WDHD1: variants seen among roughly 807,000 people sequenced by gnomAD.
WDHD1 encodes the protein WD repeat and HMG-box DNA binding protein 1, also known as WD repeat and HMG-box DNA-binding protein 1.
In WDHD1, 111 loss-of-function variants were observed where a neutral mutation model predicts 135.4. That is an observed-to-expected ratio of 0.82 (90% CI 0.70 to 0.96). The LOEUF is 0.96. Ranked by LOEUF, WDHD1 falls within the 40% of genes least tolerant of loss-of-function variation. WDHD1 has a pLI of 0.00. For missense variants in WDHD1, 1,351 were observed against 1,336.3 expected, an observed-to-expected ratio of 1.01 and a Z score of -0.17; for synonymous variants, 434 against 439.0, an observed-to-expected ratio of 0.99 and a Z score of 0.14.
chr14:54,967,295 C>G lies in WDHD1; in HGVS notation c.2163G>C (p.Glu721Asp), dbSNP rs1266609387. 1.2e-6 allele frequency: 2 copies of G among 1,611,358 alleles called. No homozygotes were observed. The highest frequency in any genetic ancestry group is 1.7e-5 in the Admixed American group (1 of 59,834). The change falls in exon 17 of 26, where the codon GAG becomes GAC. Residue 721 changes from glutamate (E) to aspartate (D), a missense_variant. This residue lies in a region of WDHD1 where 1,330 missense variants were observed against 1,296.1 expected (regional missense o/e 1.03). Transcript: ENST00000360586. The part of the protein sequence containing the change: ...FKLPYCQIAT[E>D]KGQMEEQFWR... ...TTCCACATACCTCCATTTGTCCTTTCTCTGTTGCAATCTGACAGTAAGGAA... is the reference window on the plus strand; with the variant it reads ...TTCCACATACCTCCATTTGTCCTTTGTCTGTTGCAATCTGACAGTAAGGAA...
Position 54,957,082 on chromosome 14 carries a change from T to C in WDHD1, c.2868A>G (p.Glu956=). The C allele has an allele frequency of 6.2e-7, 1 of 1,614,172 alleles. No individual in the cohort carries two copies. Among genetic ancestry groups the C allele is most frequent in the Non-Finnish European group, 8.5e-7 (1 of 1,180,022 alleles). The change falls in exon 23 of 26, where the codon GAA becomes GAG. Residue 956 remains glutamate, a synonymous_variant. Coordinates refer to ENST00000360586, the MANE Select transcript of WDHD1 (RefSeq NM_007086.4). ...TCAGAGGCTTTATAATGGGAGACTT[T>C]TCATTATTTGTAGTTCGACTAAGTG... ...STALSRTTNN[E]KSPIIKPLIP... is the part of the protein sequence containing the mutation.
chr14:54,967,402 TA>T lies in WDHD1; in HGVS notation c.2064-9del. On this transcript the variant is annotated splice_polypyrimidine_tract_variant and intron_variant, in intron 16 of 25. Transcript: ENST00000360586. ...CCTTTACAAGGAATGCACCTGTTAGTAAAGAAAAGTTCCATCATAAAAATTT... is the reference window on the plus strand; with the variant it reads ...CCTTTACAAGGAATGCACCTGTTAGTAAGAAAAGTTCCATCATAAAAATTT... 6.3e-7 allele frequency: 1 copy of T among 1,578,790 alleles called. No homozygotes were observed. The highest frequency in any genetic ancestry group is 1.4e-5 in the African/African-American group (1 of 73,010).
intron 18 of WDHD1, among the ~76,000 whole-genome samples, chr14:54,965,383 G>A (rs2041324458): frequency 6.6e-6 from 1 of 152,208 alleles, no homozygotes; most frequent in South Asian, 2.1e-4. Flanking sequence ...CTGGCCACTG[G>A]TCACAAATAA....
Position 54,940,319 on chromosome 14 carries a change from G to A in WDHD1, c.*1171C>T, listed in dbSNP as rs1482713021. The A allele has an allele frequency of 6.6e-6, 1 of 152,094 alleles. No individual in the cohort carries two copies. Among genetic ancestry groups the A allele is most frequent in the East Asian group, 1.9e-4 (1 of 5,204 alleles). The allele number at this position is 152,094 out of a possible 1,614,324, so 9.4% of individuals were successfully genotyped here. ...TGGAATCTGTGCTCATAACCACTGT[G>A]CTATAATGTCTCTGATAGCAGCTAC... is the stretch of plus-strand genomic sequence containing the variant. On this transcript the variant is annotated 3_prime_UTR_variant, in exon 26 of 26. Transcript: ENST00000360586.
chr14:55,003,161 C>T (rs1326552114), intron 7 of WDHD1, among the ~76,000 whole-genome samples: 8 of 151,782 alleles, frequency 5.3e-5, no homozygotes, highest in African/African-American at 1.7e-4. Context: ...AAAAAAAATA[C>T]ATACTACATT....
In WDHD1 at chr14:54,940,357, A is replaced by T. The variant is rs1335156757; in HGVS notation, c.*1133T>A. 3 of 152,204 alleles carry T rather than the reference A, an allele frequency of 2.0e-5. No homozygotes were observed. Among genetic ancestry groups the T allele is most frequent in the African/African-American group, 4.8e-5 (2 of 41,448 alleles). The allele number at this position is 152,204 out of a possible 1,614,324, so 9.4% of individuals were successfully genotyped here. Reference sequence around the variant, plus strand: ...TGATAGCAGCTACTAATTAAAAAATAAAAAATGTATGTTTTCCTAACTTTA... The same window carrying T: ...TGATAGCAGCTACTAATTAAAAAATTAAAAATGTATGTTTTCCTAACTTTA... On this transcript the variant is annotated 3_prime_UTR_variant, in exon 26 of 26. Coordinates refer to ENST00000360586, the MANE Select transcript of WDHD1 (RefSeq NM_007086.4).
chr14:54,957,707 CAG>C (rs999169396), intron 21 of WDHD1, 72 bp from the exon 22 acceptor site: 1 of 1,229,786 alleles, frequency 8.1e-7, no homozygotes, highest in Non-Finnish European at 1.1e-6. Context: ...TAATACTAGA[CAG>C]AGTATTTTAA....
At chr14:54,963,863 G>A (rs1053133127) in intron 18 of WDHD1, among the ~76,000 whole-genome samples, 2 of 150,898 alleles carry the variant, frequency 1.3e-5, no homozygotes, top group Admixed American at 1.3e-4. Flanking sequence ...TGTAATCCTA[G>A]CACTTTGGAA....
At chr14:54,962,706 T>C (rs1206380956) in intron 20 of WDHD1, 32 bp downstream of exon 20, 2 of 1,609,230 alleles carry the variant, frequency 1.2e-6, no homozygotes, top group African/African-American at 2.7e-5. Context: ...ATGATAGTTC[T>C]CATGATTTAT....
intron 16 of WDHD1, among the ~76,000 whole-genome samples, chr14:54,980,374 G>A (rs1373182875): frequency 6.6e-6 from 1 of 151,160 alleles, no homozygotes; most frequent in African/African-American, 2.4e-5. Context: ...TCACAGAATT[G>A]TGCATCTATC....
Position 55,026,701 on chromosome 14 carries a change from A to C in WDHD1, c.77+10T>G, listed in dbSNP as rs1261647378. 6.2e-7 allele frequency: 1 copy of C among 1,614,000 alleles called. No homozygotes were observed. The highest frequency in any genetic ancestry group is 1.3e-5 in the African/African-American group (1 of 74,940). ...TTGCACCTAAAACGTTGTTTCTCAA[A>C]GAACCTTACCTCCCAGAATCATCAA... is the stretch of plus-strand genomic sequence containing the variant. On this transcript the variant is annotated intron_variant, in intron 2 of 25. Transcript: ENST00000360586.
At chr14:54,970,762 ACCAAAAAAGAG>A (rs1398310008) in intron 16 of WDHD1, among the ~76,000 whole-genome samples, 1 of 152,200 alleles carries the variant, frequency 6.6e-6, no homozygotes, top group Non-Finnish European at 1.5e-5. Context: ...TTCATATGGA[ACCAAAAAAGAG>A]CCCAAATAGC....
At chr14:55,015,666 G>A (rs1254801504) in intron 2 of WDHD1, among the ~76,000 whole-genome samples, 1 of 151,872 alleles carries the variant, frequency 6.6e-6, no homozygotes, top group Non-Finnish European at 1.5e-5. Flanking sequence ...CAATGGTGAT[G>A]AGAGAAGTAT....
At chr14:54,941,794 A>G in intron 25 of WDHD1, 104 bp from the exon 26 acceptor site, 1 of 985,612 alleles carries the variant, frequency 1.0e-6, no homozygotes, top group Non-Finnish European at 1.5e-6. Flanking sequence ...TATATAAAGC[A>G]GAATAATTAG....
At chr14:55,001,091 G>A (rs2041973698) in intron 8 of WDHD1, 99 bp from the exon 9 acceptor site, 5 of 750,608 alleles carry the variant, frequency 6.7e-6, no homozygotes, top group Non-Finnish European at 9.7e-6. Flanking sequence ...TTTTTTTCAA[G>A]AATTTGGAGG....
intron 10 of WDHD1, among the ~76,000 whole-genome samples, chr14:54,998,791 CCTT>C (rs1403558313): frequency 6.6e-6 from 1 of 152,152 alleles, no homozygotes; most frequent in African/African-American, 2.4e-5. Context: ...GATATATCCT[CCTT>C]GTGGTTCAAT....
rs561108848 is a variant in WDHD1 at position 54,958,820 on chromosome 14, A to G, written c.2702-1185T>C. On this transcript the variant is annotated intron_variant, in intron 21 of 25. Transcript: ENST00000360586. ...AAGCTCATTTTTCTTTTTGCTTTACATTCTCCCCCAATGCTTGCTTACCCA... is the reference window on the plus strand; with the variant it reads ...AAGCTCATTTTTCTTTTTGCTTTACGTTCTCCCCCAATGCTTGCTTACCCA... Among the ~76,000 whole-genome samples the G allele has an allele frequency of 6.6e-5, 10 of 152,168 alleles. No homozygotes were observed. The South Asian group carries it at 2.1e-3, about 32-fold the overall frequency.
chr14:54,944,112 G>A lies in WDHD1; in HGVS notation c.3189+220C>T, dbSNP rs116593701. Reference sequence around the variant, plus strand: ...CCTTTTTTTTTTAGTTGTCATGATCGTTATTATCTTTGTTGTTGTTATTAT... The same window carrying A: ...CCTTTTTTTTTTAGTTGTCATGATCATTATTATCTTTGTTGTTGTTATTAT... On this transcript the variant is annotated intron_variant, in intron 25 of 25. Transcript: ENST00000360586. 8.7e-3 allele frequency among the ~76,000 whole-genome samples: 1,321 copies of A among 151,242 alleles called. 20 individuals are homozygous for A. Among genetic ancestry groups the A allele is most frequent in the African/African-American group, 0.031 (1,265 of 41,144 alleles).
intron 22 of WDHD1, 123 bp from the exon 23 acceptor site, chr14:54,957,327 C>T (rs1441577452): frequency 2.8e-6 from 3 of 1,063,934 alleles, no homozygotes; most frequent in African/African-American, 3.2e-5. Context: ...GAACTAAATA[C>T]ATTTGGTACA....
Sources: gnomAD v4.1 joint callset for allele counts (sites outside exome capture counted in the v4.1 genomes callset) on GRCh38, gnomAD v4.1.1 for gene constraint, gnomAD v4.1.1 regional missense constraint, MANE v1.5 for transcripts, NCBI Gene and HGNC (gene_info 2026-07-23, HGNC 2026-07-21) for gene names.